HTT: variants seen among roughly 807,000 people sequenced by gnomAD.
The protein encoded by HTT is huntington disease protein.
HTT carries 104 observed loss-of-function variants against 362.3 expected under a neutral mutation model. The observed-to-expected ratio is 0.29, with a 90% CI of 0.24 to 0.34. The LOEUF (loss-of-function observed/expected upper bound fraction) is 0.34, where lower values mean the gene tolerates loss of function less well. HTT is among the 10% of genes least tolerant of loss of function. The pLI, the probability that HTT is intolerant of heterozygous loss-of-function variation, is 1.00. For synonymous variants in HTT, 1,577 were observed against 1,548.7 expected (o/e 1.02, Z -0.43); for missense variants, 3,301 against 3,928.6 (o/e 0.84, Z 4.27).
rs376139233 is a variant in HTT, at chr4:3,188,929, C to T, written c.5226-22C>T. On this transcript the variant is annotated intron_variant, in intron 39 of 66. Transcript: ENST00000355072. ...TTATAGTAGTCACCTAATTCACTGT[C>T]ATCTTTTTTGTTTCTTGGAAGGTTT... The T allele has an allele frequency of 4.4e-5, 71 of 1,611,990 alleles. No individual in the cohort carries two copies. The African/African-American group carries it at 9.1e-4, about 21-fold the overall frequency.
chr4:3,217,647 A>C, intron 51 of HTT, 118 bp from the exon 52 acceptor site: 2 of 825,590 alleles, frequency 2.4e-6, no homozygotes, highest in Non-Finnish European at 3.8e-6. Flanking sequence ...TGGCCAACTC[A>C]GAGTCTAAGT....
intron 1 of HTT, among the ~76,000 whole-genome samples, chr4:3,076,123 T>C (rs1014741937): frequency 6.6e-6 from 1 of 152,166 alleles, no homozygotes; most frequent in Admixed American, 6.5e-5. Flanking sequence ...TGCTGACAGC[T>C]TGTTACTTTT....
At chr4:3,196,319 A>C (rs116775224) in intron 40 of HTT, among the ~76,000 whole-genome samples, 1 of 152,076 alleles carries the variant, frequency 6.6e-6, no homozygotes, top group South Asian at 2.1e-4. Flanking sequence ...GGGACCTTCT[A>C]TCCTGTCCCC....
intron 52 of HTT, among the ~76,000 whole-genome samples, chr4:3,219,083 C>T (rs1720556685): frequency 6.6e-6 from 1 of 152,182 alleles, no homozygotes; most frequent in Non-Finnish European, 1.5e-5. Context: ...GAAGAAGAGG[C>T]CAGTGCCTGG....
At chr4:3,081,479 C>CA (rs1310364527) in intron 1 of HTT, among the ~76,000 whole-genome samples, 1 of 149,070 alleles carries the variant, frequency 6.7e-6, no homozygotes, top group Non-Finnish European at 1.5e-5. Context: ...GTGAACTAGC[C>CA]AAAAATATGC....
At chr4:3,125,880 G>A (rs1356674989) in intron 11 of HTT, among the ~76,000 whole-genome samples, 1 of 152,176 alleles carries the variant, frequency 6.6e-6, no homozygotes, top group Non-Finnish European at 1.5e-5. Context: ...TTTATGGCTT[G>A]AGCATAGGGC....
intron 2 of HTT, 86 bp from the exon 3 acceptor site, chr4:3,099,188 C>T (rs1714018060): frequency 1.2e-6 from 1 of 838,262 alleles, no homozygotes; most frequent in Admixed American, 2.4e-5. Flanking sequence ...TCCAGAATTC[C>T]ATGCAGGACA....
intron 18 of HTT, 64 bp from the exon 19 acceptor site, chr4:3,134,337 G>A (rs1314835063): frequency 2.4e-5 from 36 of 1,479,114 alleles, no homozygotes; most frequent in Non-Finnish European, 2.7e-5. Context: ...TTCTCAAACC[G>A]TCAAGACGCG....
intron 2 of HTT, among the ~76,000 whole-genome samples, chr4:3,092,357 T>C (rs1414389994): frequency 1.3e-5 from 2 of 152,206 alleles, no homozygotes; most frequent in Non-Finnish European, 1.5e-5. Flanking sequence ...TTAACATTCA[T>C]AGATATTTAT....
At position 3,120,472 on chromosome 4, in the gene HTT, C is replaced by T. The variant is rs577952031; in HGVS notation, c.1069-756C>T. 1.6e-3 allele frequency among the ~76,000 whole-genome samples: 249 copies of T among 152,180 alleles called. 2 individuals are homozygous for T. The highest frequency in any genetic ancestry group is 3.0e-3 in the Non-Finnish European group (206 of 68,032). ...GTACTGGTCCATGGGTCCCCAACCC[C>T]CAGGCTGCAGAGCGGTATTGGTCCA... On this transcript the variant is annotated intron_variant, in intron 8 of 66. Coordinates refer to ENST00000355072, the MANE Select transcript of HTT (RefSeq NM_001388492.1).
At chr4:3,088,627 C>T (rs995474325) in intron 2 of HTT, among the ~76,000 whole-genome samples, 1 of 152,140 alleles carries the variant, frequency 6.6e-6, no homozygotes, top group African/African-American at 2.4e-5. Context: ...GAACATCTGT[C>T]TTCATTAAAC....
At chr4:3,171,804 G>T (rs1277092412) in intron 29 of HTT, among the ~76,000 whole-genome samples, 2 of 152,146 alleles carry the variant, frequency 1.3e-5, no homozygotes, top group African/African-American at 2.4e-5. Flanking sequence ...AAGGACATTG[G>T]GTGCTGTACA....
Position 3,214,092 on chromosome 4 carries a change from C to T in HTT, c.6909C>T (p.His2303=), listed in dbSNP as rs761834017. 184 of 1,593,624 alleles carry T rather than the reference C, an allele frequency of 1.2e-4. No individual in the cohort carries two copies. Among genetic ancestry groups the T allele is most frequent in the African/African-American group, 1.9e-4 (14 of 74,168 alleles). The change falls in exon 50 of 67, where the codon CAC becomes CAT. Residue 2303 remains histidine, a synonymous_variant. Transcript: ENST00000355072. The part of the protein sequence containing the change: ...SVVSSTEFVT[H]ACSLIYCVHF... ...TCTCCTCCACAGAGTTTGTGACCCACGCCTGCTCCCTCATCTACTGTGTGC... is the reference window on the plus strand; with the variant it reads ...TCTCCTCCACAGAGTTTGTGACCCATGCCTGCTCCCTCATCTACTGTGTGC...
chr4:3,240,349 T>C lies in HTT; in HGVS notation c.*290T>C. 1 of 465,508 alleles carries C rather than the reference T, an allele frequency of 2.1e-6. No individual in the cohort carries two copies. Among genetic ancestry groups the C allele is most frequent in the South Asian group, 2.5e-5 (1 of 40,778 alleles). 28.8% of individuals were successfully genotyped at this position (465,508 alleles called of 1,614,324 possible). On this transcript the variant is annotated 3_prime_UTR_variant, in exon 67 of 67. Coordinates refer to ENST00000355072, the MANE Select transcript of HTT (RefSeq NM_001388492.1). ...GTGACCAGGTCCTTTCTCCTGATAGTCACCTGCTGGTTGTTGCCAGGTTGC... is the reference window on the plus strand; with the variant it reads ...GTGACCAGGTCCTTTCTCCTGATAGCCACCTGCTGGTTGTTGCCAGGTTGC...
At chr4:3,169,525 G>A (rs1281187146) in intron 29 of HTT, among the ~76,000 whole-genome samples, 1 of 150,956 alleles carries the variant, frequency 6.6e-6, no homozygotes, top group Admixed American at 6.6e-5. Flanking sequence ...TTCTTCTACA[G>A]TGTCTACTCT....
At chr4:3,211,349 A>C (rs889393841) in intron 47 of HTT, among the ~76,000 whole-genome samples, 2 of 152,210 alleles carry the variant, frequency 1.3e-5, no homozygotes, top group African/African-American at 4.8e-5. Flanking sequence ...GAAAGCTTCA[A>C]CTTTTGGCAT....
rs1350053316 is a variant in HTT, at chr4:3,229,056, A to G, written c.8109+47A>G. 1.1e-5 allele frequency: 18 copies of G among 1,578,122 alleles called. No homozygotes were observed. The East Asian group carries it at 4.1e-4, about 36-fold the overall frequency. On this transcript the variant is annotated intron_variant, in intron 59 of 66. Coordinates refer to ENST00000355072, the MANE Select transcript of HTT (RefSeq NM_001388492.1). ...CCTCACACCTGCACGTGCCACACGC[A>G]CCACACACGCCACACACCCCACACA...
chr4:3,108,524 C>G (rs1265866038), intron 6 of HTT, among the ~76,000 whole-genome samples: 1 of 152,198 alleles, frequency 6.6e-6, no homozygotes, highest in Non-Finnish European at 1.5e-5. Flanking sequence ...ACACTGGGGT[C>G]TGTTGAAGGC....
chr4:3,165,454 G>T (rs1051881230), intron 29 of HTT, among the ~76,000 whole-genome samples: 5 of 152,056 alleles, frequency 3.3e-5, no homozygotes, highest in Non-Finnish European at 7.4e-5. Context: ...TTGAATGTTG[G>T]TCTGCCTTGC....
Sources: allele counts gnomAD v4.1 joint callset (sites outside exome capture counted in the v4.1 genomes callset), GRCh38; gene constraint gnomAD v4.1.1; transcripts MANE v1.5; gene names NCBI Gene and HGNC (gene_info 2026-07-23, HGNC 2026-07-21).